Variants in WBP2 observed in about 807,000 individuals in gnomAD.
WBP2 encodes the protein WW domain binding protein 2.
A neutral mutation model predicts 33.0 loss-of-function variants in WBP2; 23 were observed. That is an observed-to-expected ratio of 0.70 (90% confidence interval 0.50 to 0.99). WBP2 has a LOEUF of 0.99. Among genes scored for constraint, WBP2 ranks in the 50% least tolerant of loss-of-function variants. WBP2 has a pLI of 0.00. For missense variants in WBP2, 353 were observed against 358.0 expected, an observed-to-expected ratio of 0.99 and a Z score of 0.11; for synonymous variants, 153 against 133.5, an observed-to-expected ratio of 1.15 and a Z score of -1.01.
At chr17:75,847,979 G>A in intron 4 of WBP2, 49 bp from the exon 5 acceptor site, 2 of 1,553,456 alleles carry the variant, frequency 1.3e-6, no homozygotes, top group Non-Finnish European at 1.7e-6. Flanking sequence ...CCTTGGGGCG[G>A]GGAGAGGGCA....
chr17:75,847,677 G>A lies in WBP2; in HGVS notation c.533-68C>T, dbSNP rs1158766777. On this transcript the variant is annotated intron_variant, in intron 5 of 7. Transcript: ENST00000254806. ...TGCGGCCCCCTCCCGGGTGAGGGGG[G>A]CCTCTCCAGCTCCTTCGTTGGTCCT... The A allele has an allele frequency of 5.6e-6, 9 of 1,595,796 alleles. No homozygotes were observed. In the Admixed American group the frequency reaches 1.0e-4, roughly 18 times the overall value.
intron 3 of WBP2, 92 bp downstream of exon 3, chr17:75,849,512 G>T: frequency 4.6e-6 from 7 of 1,522,368 alleles, no homozygotes; most frequent in East Asian, 2.3e-5. Context: ...GGCGATAAGG[G>T]TCTGAAGGGG....
chr17:75,855,318 C>G lies in WBP2; in HGVS notation c.-21G>C, dbSNP rs751853752. The G allele has an allele frequency of 7.4e-6, 12 of 1,611,192 alleles. No individual in the cohort carries two copies. Among genetic ancestry groups the G allele is most frequent in the South Asian group, 5.5e-5 (5 of 91,056 alleles). ...GCCATAGTCTCTCCAACAGGGGTCC[C>G]GAGACTCAAAACGCAATGAGCTTGC... On this transcript the variant is annotated 5_prime_UTR_variant, in exon 1 of 8. Transcript: ENST00000254806.
At chr17:75,855,567 C>G, upstream of WBP2, 1 of 524,840 alleles carries the variant, frequency 1.9e-6, no homozygotes, top group South Asian at 2.2e-5. Context: ...AGGATGCATT[C>G]TGGAACTTGT....
chr17:75,848,688 AC>A, intron 3 of WBP2, 26 bp from the exon 4 acceptor site: 3 of 1,593,666 alleles, frequency 1.9e-6, no homozygotes, highest in Non-Finnish European at 2.6e-6. Context: ...CAGTGAATAA[AC>A]AGCACAGGAA....
At chr17:75,853,871 CTA>C (rs1291169723) in intron 1 of WBP2, among the ~76,000 whole-genome samples, 1 of 151,784 alleles carries the variant, frequency 6.6e-6, no homozygotes, top group Admixed American at 6.6e-5. Flanking sequence ...TGGTGAAACC[CTA>C]TGTCTACTAA....
In WBP2 at chr17:75,847,879, C is replaced by G. The variant is rs1180262550; in HGVS notation, c.449G>C (p.Ser150Thr). 1.3e-6 allele frequency: 2 copies of G among 1,557,006 alleles called. No individual in the cohort carries two copies. Among genetic ancestry groups the G allele is most frequent in the African/African-American group, 1.4e-5 (1 of 73,342 alleles). ...SGAYGYSYMP[S>T]GAYVYPPPVA... ...TGGCGGGGGATAGACATAGGCCCCG[C>G]TGGGCATGTAAGAGTAGCCATAGGC... is the stretch of plus-strand genomic sequence containing the variant. Residue 150 changes from serine to threonine, a missense_variant, in exon 5 of 8, where the codon AGC (serine) becomes ACC (threonine). Ser to Thr is a moderately conservative substitution (Grantham distance 58). Coordinates refer to ENST00000254806, the MANE Select transcript of WBP2 (RefSeq NM_012478.4).
At position 75,846,689 on chromosome 17, in the gene WBP2, G is replaced by T; in HGVS notation, c.*45C>A. 6.6e-7 allele frequency: 1 copy of T among 1,504,842 alleles called. No homozygotes were observed. The highest frequency in any genetic ancestry group is 8.9e-7 in the Non-Finnish European group (1 of 1,121,964). The allele number at this position is 1,504,842 out of a possible 1,614,324, so 93.2% of individuals were successfully genotyped here. A position where few individuals can be genotyped will look rare whatever the true frequency, so the allele number is the denominator to read the frequency against. On this transcript the variant is annotated 3_prime_UTR_variant, in exon 8 of 8. Coordinates refer to ENST00000254806, the MANE Select transcript of WBP2 (RefSeq NM_012478.4). The surrounding 1 kb of genome is among the most constrained non-coding windows in gnomAD (Gnocchi z 4.8). ...GCCCCAGCACAGCCCCGATGGGAGG[G>T]GTAGGGTAGAGAGATGAGGGTGGGA...
chr17:75,847,107 G>A (rs2143914905), intron 6 of WBP2, 123 bp from the exon 7 acceptor site: 1 of 1,082,852 alleles, frequency 9.2e-7, no homozygotes, highest in Non-Finnish European at 1.4e-6. Flanking sequence ...ACCAATGAGA[G>A]CAGCAGGTGA....
chr17:75,848,018 G>T, intron 4 of WBP2, 88 bp from the exon 5 acceptor site: 1 of 1,509,868 alleles, frequency 6.6e-7, no homozygotes, highest in Non-Finnish European at 9.0e-7. Context: ...GGGAGCTACT[G>T]GGTCTCAGGA....
chr17:75,848,854 T>C (rs2065011683), intron 3 of WBP2, 192 bp from the exon 4 acceptor site: 1 of 612,526 alleles, frequency 1.6e-6, no homozygotes, highest in Non-Finnish European at 2.9e-6. Context: ...CACTGCAGCC[T>C]GGCCTGGCCC....
chr17:75,851,546 A>G (rs2065027410), intron 2 of WBP2, 22 bp downstream of exon 2: 3 of 1,580,420 alleles, frequency 1.9e-6, no homozygotes, highest in African/African-American at 1.3e-5. Flanking sequence ...CTCTCAACCA[A>G]CTGCCCTGCT....
chr17:75,847,878 G>T lies in WBP2; in HGVS notation c.450C>A (p.Ser150Arg). Residue 150 changes from serine to arginine, a missense_variant, in exon 5 of 8, where the codon AGC becomes AGA. Transcript: ENST00000254806. ...SGAYGYSYMP[S>R]GAYVYPPPVA... ...CTGGCGGGGGATAGACATAGGCCCCGCTGGGCATGTAAGAGTAGCCATAGG... is the reference window on the plus strand; with the variant it reads ...CTGGCGGGGGATAGACATAGGCCCCTCTGGGCATGTAAGAGTAGCCATAGG... 6.4e-7 allele frequency: 1 copy of T among 1,556,808 alleles called. No individual in the cohort carries two copies. The highest frequency in any genetic ancestry group is 8.7e-7 in the Non-Finnish European group (1 of 1,150,038).
chr17:75,847,013 T>G, intron 6 of WBP2, 29 bp from the exon 7 acceptor site: 1 of 1,613,504 alleles, frequency 6.2e-7, no homozygotes, highest in Non-Finnish European at 8.5e-7. Flanking sequence ...CTGGTGTCGG[T>G]GACAAGTTCT....
At chr17:75,856,007 A>G (rs2065056784), upstream of WBP2, among the ~76,000 whole-genome samples, 1 of 151,952 alleles carries the variant, frequency 6.6e-6, no homozygotes, top group African/African-American at 2.4e-5. Context: ...GGCTCCCACC[A>G]CGTTCGCAGG....
At position 75,849,739 on chromosome 17, in the gene WBP2, C is replaced by A. The variant is rs1174526898; in HGVS notation, c.169G>T (p.Val57Phe). Residue 57 changes from valine (V) to phenylalanine (F), a missense_variant and splice_region_variant, in exon 3 of 8, where the codon GTC (valine) becomes TTC (phenylalanine). By Grantham distance (50) the Val-to-Phe change is conservative (BLOSUM62 -1). Transcript: ENST00000254806. ...KGTVYLTPYR[V>F]IFLSKGKDAM... ...TCCTTGCCCTTGGACAGAAAGATGA[C>A]CTGCAGGGAGAGAGGGTGAGGCCAT... The A allele has an allele frequency of 3.7e-6, 6 of 1,613,816 alleles. No individual in the cohort carries two copies. The highest frequency in any genetic ancestry group is 4.2e-6 in the Non-Finnish European group (5 of 1,179,980).
chr17:75,855,159 T>TGCCC, intron 1 of WBP2, 80 bp downstream of exon 1: 5 of 964,064 alleles, frequency 5.2e-6, no homozygotes, highest in Non-Finnish European at 7.8e-6. Flanking sequence ...AGGGGCTTAT[T>TGCCC]CCCCACCACC....
chr17:75,851,160 T>TCTCTG, intron 2 of WBP2: 1 of 175,652 alleles, frequency 5.7e-6, no homozygotes, highest in Non-Finnish European at 1.3e-5. Flanking sequence ...CTCTGCCCAG[T>TCTCTG]CCGGAGGCCG....
intron 4 of WBP2, 30 bp from the exon 5 acceptor site, chr17:75,847,960 C>T (rs148430954): frequency 6.4e-4 from 993 of 1,557,706 alleles, no homozygotes; most frequent in African/African-American, 6.1e-3. Context: ...GAGAAATGAG[C>T]GTGGCCTGCC....
Sources: gnomAD v4.1 joint callset for allele counts (sites outside exome capture counted in the v4.1 genomes callset) on GRCh38, gnomAD v4.1.1 for gene constraint, Gnocchi (gnomAD v3.1) non-coding constraint, MANE v1.5 for transcripts, NCBI Gene and HGNC (gene_info 2026-07-23, HGNC 2026-07-21) for gene names.